VWC2: variants seen among roughly 807,000 people sequenced by gnomAD.
The protein encoded by VWC2 is von Willebrand factor C domain containing 2.
In VWC2, 14 loss-of-function variants were observed where a neutral mutation model predicts 29.8. The ratio of observed to expected loss-of-function variants is 0.47; its 90% confidence interval spans 0.31 to 0.74. The LOEUF is 0.74. Among genes scored for constraint, VWC2 ranks in the 30% least tolerant of loss-of-function variants. VWC2 has a pLI of 0.05. For synonymous variants in VWC2, 213 were observed against 199.0 expected (o/e 1.07, Z -0.59); for missense variants, 457 against 459.8 (o/e 0.99, Z 0.05).
intron 3 of VWC2, among the ~76,000 whole-genome samples, chr7:49,871,175 T>C (rs1321346637): frequency 2.0e-5 from 3 of 152,134 alleles, no homozygotes; most frequent in Admixed American, 6.5e-5. Context: ...ATTCAAGTGG[T>C]AAAAATAAAA....
chr7:49,810,199 G>C (rs1356719539), intron 3 of VWC2, among the ~76,000 whole-genome samples: 1 of 151,528 alleles, frequency 6.6e-6, no homozygotes, highest in Non-Finnish European at 1.5e-5. Flanking sequence ...AACTATGGAG[G>C]CTAATAAAGA....
intron 2 of VWC2, among the ~76,000 whole-genome samples, chr7:49,788,243 T>G (rs536511036): frequency 6.6e-6 from 1 of 152,280 alleles, no homozygotes; most frequent in East Asian, 1.9e-4. Context: ...AACCCTGACT[T>G]CAGGCAGTGT....
chr7:49,856,360 T>G (rs975064590), intron 3 of VWC2, among the ~76,000 whole-genome samples: 1 of 152,162 alleles, frequency 6.6e-6, no homozygotes, highest in Non-Finnish European at 1.5e-5. Flanking sequence ...GCTCCCTCTT[T>G]CAACGTGATA....
intron 3 of VWC2, among the ~76,000 whole-genome samples, chr7:49,897,187 G>A (rs138118634): frequency 8.9e-4 from 135 of 152,156 alleles, no homozygotes; most frequent in Middle Eastern, 6.8e-3. Context: ...GAGCCACCGC[G>A]CCCGGCCGGA....
chr7:49,828,447 A>G (rs1000590234), intron 3 of VWC2, among the ~76,000 whole-genome samples: 7 of 152,136 alleles, frequency 4.6e-5, no homozygotes, highest in African/African-American at 1.4e-4. Flanking sequence ...AGAAATTACT[A>G]ATTTTCAAAG....
chr7:49,909,075 T>C (rs1459352561), intron 3 of VWC2, among the ~76,000 whole-genome samples: 1 of 152,166 alleles, frequency 6.6e-6, no homozygotes, highest in Non-Finnish European at 1.5e-5. Context: ...CATGAGGCCC[T>C]GTGAGGTCTT....
At chr7:49,798,998 A>G (rs1788667115) in intron 2 of VWC2, among the ~76,000 whole-genome samples, 1 of 152,214 alleles carries the variant, frequency 6.6e-6, no homozygotes. Context: ...GCGAGACAGG[A>G]CAGCATTGAG....
intron 3 of VWC2, among the ~76,000 whole-genome samples, chr7:49,902,601 A>G (rs1792826810): frequency 6.6e-6 from 1 of 151,840 alleles, no homozygotes; most frequent in South Asian, 2.1e-4. Context: ...CACCCTATGA[A>G]AAATTTATCT....
chr7:49,795,943 G>A (rs1300073055), intron 2 of VWC2, among the ~76,000 whole-genome samples: 1 of 152,120 alleles, frequency 6.6e-6, no homozygotes, highest in East Asian at 1.9e-4. Context: ...CAGGCTCCAG[G>A]GGGTCCAGAG....
intron 2 of VWC2, among the ~76,000 whole-genome samples, chr7:49,791,529 A>G (rs1788462775): frequency 1.3e-5 from 2 of 152,172 alleles, no homozygotes; most frequent in South Asian, 4.1e-4. Flanking sequence ...TGTTCTTGTT[A>G]AAGTTTCTGT....
intron 2 of VWC2, among the ~76,000 whole-genome samples, chr7:49,783,914 A>C (rs1788235363): frequency 6.6e-6 from 1 of 151,730 alleles, no homozygotes; most frequent in South Asian, 2.1e-4. Flanking sequence ...AAATAAAATA[A>C]AGAAAAAAAA....
At chr7:49,817,696 G>A (rs1364172494) in intron 3 of VWC2, among the ~76,000 whole-genome samples, 2 of 152,170 alleles carry the variant, frequency 1.3e-5, no homozygotes, top group Admixed American at 6.5e-5. Context: ...CTCCAATTCT[G>A]AAAATTGCAT....
intron 3 of VWC2, among the ~76,000 whole-genome samples, chr7:49,869,068 A>G (rs1023246271): frequency 7.2e-5 from 11 of 152,008 alleles, no homozygotes; most frequent in African/African-American, 2.4e-4. Context: ...AATTTTTGAA[A>G]CCCGTACAAG....
chr7:49,831,690 G>A (rs1789531705), intron 3 of VWC2, among the ~76,000 whole-genome samples: 1 of 152,188 alleles, frequency 6.6e-6, no homozygotes, highest in African/African-American at 2.4e-5. Flanking sequence ...AATGAGAAGA[G>A]TTCCTGACTC....
Position 49,902,756 on chromosome 7 carries a change from T to G in VWC2, c.827-9278T>G, listed in dbSNP as rs192880793. 3.7e-3 allele frequency among the ~76,000 whole-genome samples: 557 copies of G among 152,162 alleles called. 4 individuals are homozygous for G. Among genetic ancestry groups the G allele is most frequent in the Non-Finnish European group, 5.1e-3 (348 of 67,932 alleles). On this transcript the variant is annotated intron_variant, in intron 3 of 3. Coordinates refer to ENST00000340652, the MANE Select transcript of VWC2 (RefSeq NM_198570.5). ...TCCATAAGATAGAAAATTGATGCAT[T>G]TGATCGCATTGAAATATAAAATTTT...
chr7:49,827,526 G>T (rs1325288225), intron 3 of VWC2, among the ~76,000 whole-genome samples: 2 of 34,944 alleles, frequency 5.7e-5, no homozygotes, highest in Admixed American at 7.1e-4. Flanking sequence ...TTTATTTTAT[G>T]TTGTATAAAA....
At chr7:49,824,204 T>C (rs958688171) in intron 3 of VWC2, among the ~76,000 whole-genome samples, 1 of 152,212 alleles carries the variant, frequency 6.6e-6, no homozygotes, top group Non-Finnish European at 1.5e-5. Context: ...TTCTCTTACA[T>C]TGTCTTCCAG....
chr7:49,803,397 T>C (rs1342294603), intron 3 of VWC2, among the ~76,000 whole-genome samples: 2 of 152,218 alleles, frequency 1.3e-5, no homozygotes, highest in South Asian at 4.1e-4. Context: ...CGATGATTAC[T>C]CTGTACCTGA....
At position 49,880,828 on chromosome 7, in the gene VWC2, C is replaced by T. The variant is rs149608587; in HGVS notation, c.827-31206C>T. ...AAGTTTACATGGCTTCATTATGCCA[C>T]GGGAAGCTCTTCATTTTTGCCTATG... On this transcript the variant is annotated intron_variant, in intron 3 of 3. Coordinates refer to ENST00000340652, the MANE Select transcript of VWC2 (RefSeq NM_198570.5). 1.6e-3 allele frequency among the ~76,000 whole-genome samples: 245 copies of T among 152,124 alleles called. 3 individuals are homozygous for T. The highest frequency in any genetic ancestry group is 5.5e-3 in the African/African-American group (228 of 41,518).
Sources: allele counts gnomAD v4.1 joint callset (sites outside exome capture counted in the v4.1 genomes callset), GRCh38; gene constraint gnomAD v4.1.1; transcripts MANE v1.5; gene names NCBI Gene and HGNC (gene_info 2026-07-23, HGNC 2026-07-21).